LAMA3: variants seen among roughly 807,000 people sequenced by gnomAD.
LAMA3 encodes laminin subunit alpha 3.
In LAMA3, 281 loss-of-function variants were observed where a neutral mutation model predicts 402.0. That is an observed-to-expected ratio of 0.70 (90% CI 0.63 to 0.77). The LOEUF (loss-of-function observed/expected upper bound fraction) is 0.77. LAMA3 is among the 30% of genes least tolerant of loss of function. The pLI is 0.00. For missense variants in LAMA3, 3,840 were observed against 4,215.5 expected (o/e 0.91, Z 2.47); for synonymous variants, 1,431 against 1,558.4 (o/e 0.92, Z 1.93).
rs2145562080 is a variant in LAMA3 at position 23,950,129 on chromosome 18, G to A, written c.9612G>A (p.Lys3204=). The A allele has an allele frequency of 6.2e-7, 1 of 1,614,136 alleles. No homozygotes were observed. Among genetic ancestry groups the A allele is most frequent in the Non-Finnish European group, 8.5e-7 (1 of 1,180,028 alleles). ...ILIHIGSQPG[K]HLCVYLEAGK... ...TACACATCGGAAGTCAGCCCGGGAA[G>A]CACTTATGTGTTTACCTGGAGGCAG... The change falls in exon 72 of 75, where the codon AAG becomes AAA. Residue 3204 remains lysine, a synonymous_variant. Coordinates refer to ENST00000313654, the MANE Select transcript of LAMA3 (RefSeq NM_198129.4).
chr18:23,893,641 G>T (rs1362525339), intron 42 of LAMA3, among the ~76,000 whole-genome samples: 1 of 152,106 alleles, frequency 6.6e-6, no homozygotes, highest in Non-Finnish European at 1.5e-5. Flanking sequence ...GTAGTTGGTG[G>T]TGTGGGCCCA....
At chr18:23,812,135 A>C (rs1159754694) in intron 13 of LAMA3, among the ~76,000 whole-genome samples, 1 of 151,946 alleles carries the variant, frequency 6.6e-6, no homozygotes, top group African/African-American at 2.4e-5. Context: ...GGCCTCCCAA[A>C]GTGCTGGGAT....
chr18:23,775,951 C>T (rs1298023861), intron 10 of LAMA3, 28 bp downstream of exon 10: 1 of 1,613,834 alleles, frequency 6.2e-7, no homozygotes, highest in South Asian at 1.1e-5. Flanking sequence ...AACAAGAGGC[C>T]ACCCTTTTTG....
chr18:23,933,516 T>C (rs1166073159), intron 66 of LAMA3, among the ~76,000 whole-genome samples: 1 of 152,248 alleles, frequency 6.6e-6, no homozygotes, highest in Non-Finnish European at 1.5e-5. Flanking sequence ...TTTCAAGCAT[T>C]CATCATTTCT....
Position 23,931,115 on chromosome 18 carries a change from C to A in LAMA3, c.8490C>A (p.Ser2830Arg), listed in dbSNP as rs1178186468. 1 of 1,613,228 alleles carries A rather than the reference C, an allele frequency of 6.2e-7. No individual in the cohort carries two copies. Among genetic ancestry groups the A allele is most frequent in the Middle Eastern group, 1.6e-4 (1 of 6,062 alleles). ...LEDGYIELST[S>R]DSGGPIFKSP... ...ATGGTTACATTGAATTGAGCACCAG[C>A]GATAGCGGCGGCCCAATTTTTAAAT... is the stretch of plus-strand genomic sequence containing the variant. Residue 2830 changes from serine (S) to arginine (R), a missense_variant, in exon 65 of 75, where the codon AGC becomes AGA. Ser to Arg is a moderately radical substitution (Grantham distance 110, BLOSUM62 -1). Around this residue, in one of 3 missense-constraint regions of LAMA3, gnomAD observed 840 missense variants for 981.9 expected, o/e 0.86. Coordinates refer to ENST00000313654, the MANE Select transcript of LAMA3 (RefSeq NM_198129.4).
At chr18:23,862,161 C>A (rs1243973121) in intron 35 of LAMA3, among the ~76,000 whole-genome samples, 1 of 152,204 alleles carries the variant, frequency 6.6e-6, no homozygotes, top group East Asian at 1.9e-4. Flanking sequence ...GCTGAGAATT[C>A]TTTATTTTAA....
intron 10 of LAMA3, among the ~76,000 whole-genome samples, chr18:23,777,030 G>A (rs1415306873): frequency 6.6e-6 from 1 of 151,740 alleles, no homozygotes; most frequent in East Asian, 1.9e-4. Flanking sequence ...AGTAGAGATG[G>A]GGTTTCTCTA....
At position 23,899,058 on chromosome 18, in the gene LAMA3, T is replaced by A. The variant is rs896499645; in HGVS notation, c.5829T>A (p.Asn1943Lys). Reference sequence around the variant, plus strand: ...TGAAGATTAAAAATGTCATCCGGAATGTGCACAGTAAGAAGAGTTATTAAG... The same window carrying A: ...TGAAGATTAAAAATGTCATCCGGAAAGTGCACAGTAAGAAGAGTTATTAAG... ...LDVKIKNVIRNVHILLKQISG... is the reference protein window; with the variant it reads ...LDVKIKNVIRKVHILLKQISG... Residue 1943 changes from asparagine (N) to lysine (K), a missense_variant, in exon 46 of 75, where the codon AAT becomes AAA. Coordinates refer to ENST00000313654, the MANE Select transcript of LAMA3 (RefSeq NM_198129.4). 1 of 1,611,910 alleles carries A rather than the reference T, an allele frequency of 6.2e-7. No individual in the cohort carries two copies. The highest frequency in any genetic ancestry group is 1.1e-5 in the South Asian group (1 of 91,026).
At chr18:23,804,021 C>T (rs1167572702) in intron 12 of LAMA3, among the ~76,000 whole-genome samples, 2 of 152,122 alleles carry the variant, frequency 1.3e-5, no homozygotes, top group African/African-American at 2.4e-5. Flanking sequence ...CTTATGGCTT[C>T]GTGGGTCAGA....
intron 1 of LAMA3, among the ~76,000 whole-genome samples, chr18:23,693,124 G>A (rs900811924): frequency 6.6e-6 from 1 of 152,140 alleles, no homozygotes; most frequent in Non-Finnish European, 1.5e-5. Context: ...TGGGCGGATC[G>A]CCTGAGGTTG....
chr18:23,949,794 C>G lies in LAMA3; in HGVS notation c.9381C>G (p.Cys3127Trp). ...TCCCCACAAACAGCTTTGTGGGATG[C>G]CTGAAGAACTTTCAGCTGGATTCAA... Reference protein sequence around the residue: ...KSLPTNSFVGCLKNFQLDSKP... With the variant: ...KSLPTNSFVGWLKNFQLDSKP... The change falls in exon 71 of 75, where the codon TGC becomes TGG. Residue 3127 changes from cysteine (C) to tryptophan (W), a missense_variant. By Grantham distance (215) the Cys-to-Trp change is radical. Coordinates refer to ENST00000313654, the MANE Select transcript of LAMA3 (RefSeq NM_198129.4). 1 of 1,613,984 alleles carries G rather than the reference C, an allele frequency of 6.2e-7. No homozygotes were observed. The highest frequency in any genetic ancestry group is 8.5e-7 in the Non-Finnish European group (1 of 1,179,990).
chr18:23,773,435 C>T, intron 8 of LAMA3, 62 bp from the exon 9 acceptor site: 1 of 1,007,978 alleles, frequency 9.9e-7, no homozygotes, highest in Non-Finnish European at 1.5e-6. Flanking sequence ...GTGAGTAGCA[C>T]AAAATAAGGA....
chr18:23,939,258 C>T lies in LAMA3; in HGVS notation c.8898C>T (p.Ser2966=), dbSNP rs141164795. 1.1e-3 allele frequency: 1,716 copies of T among 1,614,168 alleles called. 18 individuals carry two copies. The East Asian group carries it at 0.025, about 23-fold the overall frequency. Residue 2966 remains serine, a synonymous_variant, in exon 68 of 75, where the codon AGC becomes AGT. Coordinates refer to ENST00000313654, the MANE Select transcript of LAMA3 (RefSeq NM_198129.4). The stretch of plus-strand genomic sequence containing the variant: ...ACACACCAGTGGCCTCCCCAAGGAG[C>T]GTGAAGGTGTGGCAAGATGCTTGCT... The part of the protein sequence containing the change: ...LQDTPVASPR[S]VKVWQDACSP...
intron 38 of LAMA3, chr18:23,872,780 T>G: frequency 6.2e-6 from 3 of 487,528 alleles, no homozygotes; most frequent in Non-Finnish European, 1.1e-5. Flanking sequence ...ACTCAGCCTG[T>G]GATTTAGGGC....
chr18:23,881,221 C>A (rs1012436230), intron 39 of LAMA3, among the ~76,000 whole-genome samples: 1 of 152,148 alleles, frequency 6.6e-6, no homozygotes, highest in Admixed American at 6.5e-5. Context: ...CATTAGACAG[C>A]AACTTTGATG....
intron 60 of LAMA3, 140 bp downstream of exon 60, chr18:23,916,835 A>G: frequency 1.1e-6 from 1 of 871,416 alleles, no homozygotes; most frequent in Admixed American, 1.9e-5. Flanking sequence ...TCCTCCACCC[A>G]GTTGTACTTT....
intron 23 of LAMA3, among the ~76,000 whole-genome samples, chr18:23,831,512 T>C (rs151114129): frequency 8.7e-4 from 132 of 152,164 alleles, no homozygotes; most frequent in African/African-American, 3.1e-3. Context: ...CTCAACTAAG[T>C]TGCTGTTCTT....
At chr18:23,698,938 T>A (rs1205792933) in intron 1 of LAMA3, among the ~76,000 whole-genome samples, 1 of 151,868 alleles carries the variant, frequency 6.6e-6, no homozygotes, top group South Asian at 2.1e-4. Flanking sequence ...CAGGATTCTG[T>A]GATAAAAATT....
At position 23,709,731 on chromosome 18, in the gene LAMA3, T is replaced by C. The variant is rs186301674; in HGVS notation, c.295-4189T>C. ...ATGATCTTCCATCTGAGAAGTCCCA[T>C]GGATTCTTTTCTCTTCTGCTCCACA... is the stretch of plus-strand genomic sequence containing the variant. On this transcript the variant is annotated intron_variant, in intron 1 of 74. Coordinates refer to ENST00000313654, the MANE Select transcript of LAMA3 (RefSeq NM_198129.4). 7.3e-4 allele frequency: 349 copies of C among 481,162 alleles called. 4 individuals carry two copies. The highest frequency in any genetic ancestry group is 6.5e-3 in the African/African-American group (328 of 50,546). 29.8% of individuals were successfully genotyped at this position (481,162 alleles called of 1,614,324 possible).
Sources: allele counts gnomAD v4.1 joint callset (sites outside exome capture counted in the v4.1 genomes callset), GRCh38; gene constraint gnomAD v4.1.1; regional missense constraint gnomAD v4.1.1; transcripts MANE v1.5; gene names NCBI Gene and HGNC (gene_info 2026-07-23, HGNC 2026-07-21).